Variants in GABRG3 observed in about 807,000 individuals in gnomAD.
GABRG3 encodes the protein gamma-aminobutyric acid type A receptor subunit gamma3.
Under a neutral mutation model 48.8 loss-of-function variants are expected in GABRG3, and 25 were observed. The observed-to-expected ratio is 0.51, with a 90% CI of 0.37 to 0.72. The LOEUF (loss-of-function observed/expected upper bound fraction) is 0.72, where lower values mean the gene tolerates loss of function less well. Ranked by LOEUF, GABRG3 falls within the 30% of genes least tolerant of loss-of-function variation. The pLI is 0.00. For synonymous variants in GABRG3, 227 were observed against 217.6 expected (o/e 1.04, Z -0.38); for missense variants, 394 against 577.9 (o/e 0.68, Z 3.26).
chr15:27,390,399 A>G (rs957432808), intron 5 of GABRG3, among the ~76,000 whole-genome samples: 3 of 152,244 alleles, frequency 2.0e-5, no homozygotes, highest in Admixed American at 2.0e-4. Context: ...CTGAAGCACT[A>G]GACTTCAAAC....
intron 3 of GABRG3, among the ~76,000 whole-genome samples, chr15:27,178,620 G>T (rs1566955847): frequency 1.3e-5 from 2 of 152,200 alleles, no homozygotes; most frequent in Non-Finnish European, 2.9e-5. Flanking sequence ...AAGACCCAGA[G>T]ACACGGGGGA....
chr15:27,443,848 T>A (rs1888862753), intron 5 of GABRG3, among the ~76,000 whole-genome samples: 1 of 152,222 alleles, frequency 6.6e-6, no homozygotes, highest in Non-Finnish European at 1.5e-5. Flanking sequence ...GGAGGTTTTA[T>A]AATGAACCGG....
chr15:27,231,868 A>G (rs1449672504), intron 3 of GABRG3, among the ~76,000 whole-genome samples: 3 of 152,196 alleles, frequency 2.0e-5, no homozygotes, highest in Non-Finnish European at 4.4e-5. Flanking sequence ...AATTTTTTTA[A>G]CTTAAAGATT....
intron 7 of GABRG3, among the ~76,000 whole-genome samples, chr15:27,520,936 G>T (rs998222055): frequency 2.0e-5 from 3 of 151,690 alleles, no homozygotes; most frequent in African/African-American, 7.3e-5. Flanking sequence ...GGGTAGACCA[G>T]ATGCCAAGAG....
At chr15:26,998,448 G>A (rs1284462068) in intron 2 of GABRG3, among the ~76,000 whole-genome samples, 1 of 152,174 alleles carries the variant, frequency 6.6e-6, no homozygotes, top group Non-Finnish European at 1.5e-5. Flanking sequence ...TATCTCTGCT[G>A]CACAACAGGC....
intron 5 of GABRG3, among the ~76,000 whole-genome samples, chr15:27,443,975 C>A (rs1888866952): frequency 6.6e-6 from 1 of 152,078 alleles, no homozygotes; most frequent in African/African-American, 2.4e-5. Flanking sequence ...ATAGTAATTT[C>A]CTGGGGTAAT....
At chr15:27,518,246 G>C (rs559092829) in intron 6 of GABRG3, among the ~76,000 whole-genome samples, 7 of 149,248 alleles carry the variant, frequency 4.7e-5, no homozygotes, top group Admixed American at 1.3e-4. Flanking sequence ...GCACATGCCT[G>C]TAATCCCAGC....
Position 27,017,713 on chromosome 15 carries a change from G to A in GABRG3, c.203-9041G>A, listed in dbSNP as rs79977835. ...AGAATTTTCCTACGGGGACTTCTGT[G>A]TGGCTGGCTTTGCACTGGCCAGGGG... is the stretch of plus-strand genomic sequence containing the variant. On this transcript the variant is annotated intron_variant, in intron 2 of 9. Coordinates refer to ENST00000615808, the MANE Select transcript of GABRG3 (RefSeq NM_033223.5). Among the ~76,000 whole-genome samples the A allele has an allele frequency of 1.7e-3, 258 of 152,348 alleles. 2 individuals carry two copies. The East Asian group carries it at 0.037, about 22-fold the overall frequency.
chr15:27,114,790 G>T (rs1897613502), intron 3 of GABRG3, among the ~76,000 whole-genome samples: 1 of 151,752 alleles, frequency 6.6e-6, no homozygotes, highest in Admixed American at 6.6e-5. Context: ...TTACCCAAAG[G>T]AGTTATCATT....
chr15:27,212,282 C>G (rs1889103533), intron 3 of GABRG3, among the ~76,000 whole-genome samples: 1 of 152,154 alleles, frequency 6.6e-6, no homozygotes, highest in South Asian at 2.1e-4. Context: ...TGGCATCGCT[C>G]CGGGTGTTTC....
chr15:27,177,054 G>A (rs1300927539), intron 3 of GABRG3, among the ~76,000 whole-genome samples: 2 of 152,102 alleles, frequency 1.3e-5, no homozygotes, highest in Non-Finnish European at 2.9e-5. Context: ...CATTCTCCCC[G>A]AGAACTCAGA....
intron 3 of GABRG3, among the ~76,000 whole-genome samples, chr15:27,062,093 TTC>T (rs1896656831): frequency 6.6e-6 from 1 of 152,176 alleles, no homozygotes; most frequent in South Asian, 2.1e-4. Context: ...AGCTGTCATG[TTC>T]TCTGAGTCTT....
chr15:27,449,327 G>A (rs1313302275), intron 5 of GABRG3, among the ~76,000 whole-genome samples: 1 of 152,170 alleles, frequency 6.6e-6, no homozygotes, highest in African/African-American at 2.4e-5. Flanking sequence ...TCTCAGGAAG[G>A]CTGGTGAAGC....
At chr15:27,164,060 G>C (rs1887294586) in intron 3 of GABRG3, among the ~76,000 whole-genome samples, 1 of 152,202 alleles carries the variant, frequency 6.6e-6, no homozygotes, top group Admixed American at 6.5e-5. Context: ...GAATAAATTA[G>C]AATGTTTCAC....
At chr15:27,132,482 T>G (rs1485631930) in intron 3 of GABRG3, among the ~76,000 whole-genome samples, 16 of 146,244 alleles carry the variant, frequency 1.1e-4, no homozygotes, top group African/African-American at 2.7e-4. Flanking sequence ...TTTTTTTTTT[T>G]TTTTTTTTTT....
intron 3 of GABRG3, among the ~76,000 whole-genome samples, chr15:27,038,698 G>T (rs1335749653): frequency 6.6e-6 from 1 of 152,218 alleles, no homozygotes; most frequent in Non-Finnish European, 1.5e-5. Flanking sequence ...TGGGGCACAT[G>T]GGAACCATGC....
intron 3 of GABRG3, among the ~76,000 whole-genome samples, chr15:27,312,019 G>C (rs368574620): frequency 1.3e-5 from 2 of 152,062 alleles, no homozygotes; most frequent in South Asian, 2.1e-4. Flanking sequence ...TATATGATTT[G>C]CCTGAAAAAA....
chr15:27,368,391 A>T (rs1244545598), intron 5 of GABRG3, among the ~76,000 whole-genome samples: 1 of 152,246 alleles, frequency 6.6e-6, no homozygotes, highest in Non-Finnish European at 1.5e-5. Flanking sequence ...AGGTCTAGAT[A>T]TGAGGAATAT....
chr15:27,086,649 G>A (rs1452302888), intron 3 of GABRG3, among the ~76,000 whole-genome samples: 2 of 152,174 alleles, frequency 1.3e-5, no homozygotes, highest in African/African-American at 2.4e-5. Context: ...AGTTCCACAA[G>A]CATTTTTTCA....
Sources: gnomAD v4.1 joint callset for allele counts (sites outside exome capture counted in the v4.1 genomes callset) on GRCh38, gnomAD v4.1.1 for gene constraint, MANE v1.5 for transcripts, NCBI Gene and HGNC (gene_info 2026-07-23, HGNC 2026-07-21) for gene names.